Variants in CTNNA3 observed in about 807,000 individuals in gnomAD.
CTNNA3 encodes the protein catenin alpha-3.
Under a neutral mutation model 95.7 loss-of-function variants are expected in CTNNA3, and 76 were observed. The observed-to-expected ratio is 0.79, with a 90% CI of 0.66 to 0.96. The LOEUF (loss-of-function observed/expected upper bound fraction) is 0.96, where lower values mean the gene tolerates loss of function less well. Ranked by LOEUF, CTNNA3 falls within the 40% of genes least tolerant of loss-of-function variation. The pLI, the probability that CTNNA3 is intolerant of heterozygous loss-of-function variation, is 0.00. For missense variants in CTNNA3, 1,191 were observed against 1,089.8 expected (o/e 1.09, Z -1.31); for synonymous variants, 431 against 374.4 (o/e 1.15, Z -1.74).
chr10:66,660,291 T>C (rs972734608), intron 9 of CTNNA3, among the ~76,000 whole-genome samples: 8 of 152,182 alleles, frequency 5.3e-5, no homozygotes, highest in African/African-American at 1.4e-4. Flanking sequence ...GTGGTTCTTC[T>C]GTGAGATCAC....
At chr10:66,290,969 G>GAGACA (rs1444818027) in intron 12 of CTNNA3, among the ~76,000 whole-genome samples, 1 of 152,150 alleles carries the variant, frequency 6.6e-6, no homozygotes, top group Non-Finnish European at 1.5e-5. Flanking sequence ...TTTTATTCCT[G>GAGACA]AGACAGAAAG....
At chr10:66,812,938 C>T (rs142860979) in intron 7 of CTNNA3, among the ~76,000 whole-genome samples, 4 of 152,188 alleles carry the variant, frequency 2.6e-5, no homozygotes, top group African/African-American at 9.6e-5. Context: ...CTTTTGTTTT[C>T]TCTCACTATT....
intron 14 of CTNNA3, among the ~76,000 whole-genome samples, chr10:66,070,458 A>G (rs1278066392): frequency 4.6e-5 from 7 of 152,168 alleles, no homozygotes; most frequent in Non-Finnish European, 8.8e-5. Context: ...AGGTGTTTAA[A>G]TGTTCAAATT....
intron 11 of CTNNA3, among the ~76,000 whole-genome samples, chr10:66,397,770 T>C (rs1381885185): frequency 6.6e-6 from 1 of 151,884 alleles, no homozygotes; most frequent in African/African-American, 2.4e-5. Context: ...ACATACTTAC[T>C]TTTTCCACAT....
chr10:65,954,089 G>A (rs2077680420), intron 17 of CTNNA3, among the ~76,000 whole-genome samples: 1 of 152,192 alleles, frequency 6.6e-6, no homozygotes, highest in African/African-American at 2.4e-5. Flanking sequence ...TAACTGGTGT[G>A]AGATGGTATC....
intron 14 of CTNNA3, among the ~76,000 whole-genome samples, chr10:66,102,771 A>G (rs977460307): frequency 7.9e-5 from 12 of 151,852 alleles, no homozygotes; most frequent in African/African-American, 2.9e-4. Flanking sequence ...ATTGTAGAGA[A>G]AGAAAAGTAG....
chr10:66,472,579 A>G (rs553783210), intron 11 of CTNNA3, among the ~76,000 whole-genome samples: 56 of 152,096 alleles, frequency 3.7e-4, no homozygotes, highest in South Asian at 1.9e-3. Flanking sequence ...TTTTCTTATA[A>G]AAATATTTTT....
intron 7 of CTNNA3, among the ~76,000 whole-genome samples, chr10:67,158,435 A>C (rs559698283): frequency 2.2e-4 from 34 of 152,240 alleles, no homozygotes; most frequent in African/African-American, 7.0e-4. Context: ...CTGGCAAAAA[A>C]CTCAGATAAG....
intron 14 of CTNNA3, among the ~76,000 whole-genome samples, chr10:66,081,239 G>A (rs61858382): frequency 3.3e-5 from 5 of 152,160 alleles, no homozygotes; most frequent in Non-Finnish European, 7.3e-5. Flanking sequence ...AGCTAGAAGA[G>A]TTGACAAATT....
At chr10:66,375,894 C>A (rs1403605266) in intron 12 of CTNNA3, among the ~76,000 whole-genome samples, 1 of 152,166 alleles carries the variant, frequency 6.6e-6, no homozygotes, top group Non-Finnish European at 1.5e-5. Flanking sequence ...TCTGGATACA[C>A]ACTTTCCAGT....
chr10:66,597,873 G>A (rs1381054785), intron 10 of CTNNA3, among the ~76,000 whole-genome samples: 1 of 151,838 alleles, frequency 6.6e-6, no homozygotes, highest in Non-Finnish European at 1.5e-5. Context: ...AGAAATGGGA[G>A]TTATTTAATA....
chr10:66,230,039 C>A (rs1024645585), intron 13 of CTNNA3, among the ~76,000 whole-genome samples: 2 of 150,978 alleles, frequency 1.3e-5, no homozygotes, highest in African/African-American at 2.4e-5. Context: ...TTTTTTATTT[C>A]ACTTATTGAA....
At chr10:67,507,565 A>G (rs527780394) in intron 5 of CTNNA3, among the ~76,000 whole-genome samples, 2 of 151,984 alleles carry the variant, frequency 1.3e-5, no homozygotes, top group African/African-American at 4.8e-5. Context: ...AAAGAAAAAA[A>G]AAAAGAAAAT....
At chr10:67,122,433 T>C (rs1358018282) in intron 7 of CTNNA3, among the ~76,000 whole-genome samples, 1 of 152,036 alleles carries the variant, frequency 6.6e-6, no homozygotes, top group Non-Finnish European at 1.5e-5. Context: ...AAATGCACGC[T>C]GAATACAGTC....
intron 5 of CTNNA3, among the ~76,000 whole-genome samples, chr10:67,335,891 T>A (rs2616698): frequency 6.7e-6 from 1 of 150,372 alleles, no homozygotes; most frequent in African/African-American, 2.4e-5. Context: ...ATAGTGTTTT[T>A]TTTTTTTTTT....
chr10:66,346,235 ATATATATATATAGAGAGAGAGAGAGAG>A (rs2092514406), intron 12 of CTNNA3, among the ~76,000 whole-genome samples: 1 of 10,086 alleles, frequency 9.9e-5, no homozygotes, highest in African/African-American at 3.9e-4. Context: ...ATATATATAT[ATATATATATATAGAGAGAGAGAGAGAG>A]AGAGAGAGAG....
At chr10:66,647,510 T>C (rs891331966) in intron 9 of CTNNA3, among the ~76,000 whole-genome samples, 4 of 117,798 alleles carry the variant, frequency 3.4e-5, no homozygotes, top group Non-Finnish European at 5.7e-5. Context: ...TAAAAATTAC[T>C]CTTTTTTTTT....
chr10:66,570,455 A>AT (rs891208570), intron 10 of CTNNA3, among the ~76,000 whole-genome samples: 3 of 151,958 alleles, frequency 2.0e-5, no homozygotes, highest in South Asian at 2.1e-4. Context: ...CGCACAGCTA[A>AT]TTTTTTTATT....
In CTNNA3 at chr10:66,534,386, A is replaced by G. The variant is rs192083593; in HGVS notation, c.1375-13613T>C. Among the ~76,000 whole-genome samples the G allele has an allele frequency of 2.4e-3, 358 of 151,914 alleles. 1 individual carries two copies. Among genetic ancestry groups the G allele is most frequent in the African/African-American group, 7.9e-3 (329 of 41,482 alleles). On this transcript the variant is annotated intron_variant, in intron 10 of 17. Transcript: ENST00000433211. The stretch of plus-strand genomic sequence containing the variant: ...TACCAGTATAGGTGGTAGATTAAAA[A>G]TAGAGTATAATAAAAATAGTCAGAT...
Sources: gnomAD v4.1 joint callset for allele counts (sites outside exome capture counted in the v4.1 genomes callset) on GRCh38, gnomAD v4.1.1 for gene constraint, MANE v1.5 for transcripts, NCBI Gene and HGNC (gene_info 2026-07-23, HGNC 2026-07-21) for gene names.